EFCAB7: variants seen among roughly 807,000 people sequenced by gnomAD.
EFCAB7 encodes the protein EF-hand calcium binding domain 7.
In EFCAB7, 66 loss-of-function variants were observed where a neutral mutation model predicts 77.1. That is an observed-to-expected ratio of 0.86 (90% CI 0.70 to 1.05). The LOEUF is 1.05. EFCAB7 is among the 50% of genes least tolerant of loss of function. The probability of loss-of-function intolerance (pLI) is 0.00; values close to 1 mark genes in which losing one functional copy is unlikely to be tolerated. For missense variants in EFCAB7, 638 were observed against 730.5 expected (o/e 0.87, Z 1.46); for synonymous variants, 225 against 243.3 (o/e 0.92, Z 0.70).
intron 6 of EFCAB7, among the ~76,000 whole-genome samples, chr1:63,536,029 C>T (rs1438241767): frequency 6.6e-6 from 1 of 151,868 alleles, no homozygotes; most frequent in Non-Finnish European, 1.5e-5. Context: ...TAAGTCATAA[C>T]GATTATTTAA....
chr1:63,578,224 G>GT, the EFCAB7 span, among the ~76,000 whole-genome samples: 1 of 152,088 alleles, frequency 6.6e-6, no homozygotes, highest in African/African-American at 2.4e-5. Flanking sequence ...ATTTTCTAAT[G>GT]TTTTTCACTT....
In EFCAB7 at chr1:63,568,435, T is replaced by C. The variant is rs1448995286; in HGVS notation, c.1623T>C (p.Asp541=). 1 of 1,591,844 alleles carries C rather than the reference T, an allele frequency of 6.3e-7. No homozygotes were observed. The highest frequency in any genetic ancestry group is 1.4e-5 in the African/African-American group (1 of 73,540). The part of the protein sequence containing the change: ...AICKSVLSNG[D]AKVMDGYENI... ...GTAAATCTGTTCTTAGCAACGGTGA[T>C]GCCAAAGTAATGGATGGCTATGAAA... Residue 541 remains aspartate, a synonymous_variant, in exon 12 of 14, where the codon GAT becomes GAC. Transcript: ENST00000371088.
the EFCAB7 span, among the ~76,000 whole-genome samples, chr1:63,580,525 C>T: frequency 0.6 from 91,833 of 152,018 alleles, 29,490 homozygotes; most frequent in African/African-American, 0.82. Flanking sequence ...CCCAATGGTA[C>T]TGTTCTTTTC....
chr1:63,534,482 A>AT (rs555461572), intron 6 of EFCAB7: 1 of 242,420 alleles, frequency 4.1e-6, no homozygotes, highest in African/African-American at 2.2e-5. Context: ...TGGGAAGCAA[A>AT]TTTTTTGTTT....
chr1:63,532,695 AAGT>A lies in EFCAB7; in HGVS notation c.427_429del (p.Val143del). On this transcript the variant is annotated inframe_deletion, in exon 4 of 14. Coordinates refer to ENST00000371088, the MANE Select transcript of EFCAB7 (RefSeq NM_032437.4). ...AGAGGTGAGAAGATGACTCGAGAAGAAGTAAATGCCATAATAAATTTGGCTGAT... is the reference window on the plus strand; with the variant it reads ...AGAGGTGAGAAGATGACTCGAGAAGAAAATGCCATAATAAATTTGGCTGAT... 1.2e-6 allele frequency: 2 copies of A among 1,602,848 alleles called. No individual in the cohort carries two copies. The highest frequency in any genetic ancestry group is 1.7e-6 in the Non-Finnish European group (2 of 1,176,014).
At chr1:63,583,756 CAA>C in the EFCAB7 span, among the ~76,000 whole-genome samples, 1 of 151,890 alleles carries the variant, frequency 6.6e-6, no homozygotes, top group East Asian at 1.9e-4. Context: ...ACAACAATAA[CAA>C]AAGGACATCA....
At chr1:63,560,467 TA>T (rs1200789432) in intron 10 of EFCAB7, among the ~76,000 whole-genome samples, 3 of 151,958 alleles carry the variant, frequency 2.0e-5, no homozygotes, top group Non-Finnish European at 4.4e-5. Flanking sequence ...AATCTGCATT[TA>T]TTTTTTCCCC....
rs869302346 is a variant in EFCAB7 at position 63,562,449 on chromosome 1, TTATATA to T, written c.1497+633_1497+638del. ...TAAAAATTAGGCCTTCTTAATTTATTTATATATATATATATATATATATATATATAT... is the reference window on the plus strand; with the variant it reads ...TAAAAATTAGGCCTTCTTAATTTATTTATATATATATATATATATATATAT... On this transcript the variant is annotated intron_variant, in intron 11 of 13. Coordinates refer to ENST00000371088, the MANE Select transcript of EFCAB7 (RefSeq NM_032437.4). 7.3e-3 allele frequency among the ~76,000 whole-genome samples: 164 copies of T among 22,456 alleles called. 1 individual carries two copies. Among genetic ancestry groups the T allele is most frequent in the South Asian group, 0.019 (7 of 366 alleles). The allele number at this position is 22,456 out of a possible 152,430, so 14.7% of individuals were successfully genotyped here. A position where few individuals can be genotyped will look rare whatever the true frequency, so the allele number is the denominator to read the frequency against.
the EFCAB7 span, among the ~76,000 whole-genome samples, chr1:63,581,280 G>T: frequency 2.5e-3 from 377 of 151,340 alleles, 4 homozygotes; most frequent in Middle Eastern, 0.034. Flanking sequence ...ATTAAGAATG[G>T]ATGATGAGCC....
At chr1:63,563,716 CT>C (rs1219563345) in intron 11 of EFCAB7, among the ~76,000 whole-genome samples, 1 of 152,138 alleles carries the variant, frequency 6.6e-6, no homozygotes, top group Non-Finnish European at 1.5e-5. Context: ...AATCTTTTTT[CT>C]TACTAAATTT....
rs531047325 is a variant in EFCAB7, at chr1:63,556,879, A to C, written c.1215-235A>C. Among the ~76,000 whole-genome samples the C allele has an allele frequency of 3.4e-4, 52 of 151,330 alleles. 1 individual carries two copies. Among genetic ancestry groups the C allele is most frequent in the African/African-American group, 1.2e-3 (51 of 41,306 alleles). On this transcript the variant is annotated intron_variant, in intron 9 of 13. Coordinates refer to ENST00000371088, the MANE Select transcript of EFCAB7 (RefSeq NM_032437.4). ...CCCATCTCTACTAAAAATACAAAAA[A>C]AAAAAAAAATTAGCCAGGTGTGGTG... is the stretch of plus-strand genomic sequence containing the variant.
downstream of EFCAB7, among the ~76,000 whole-genome samples, chr1:63,577,368 A>C (rs1007582055): frequency 1.3e-5 from 2 of 152,240 alleles, no homozygotes; most frequent in African/African-American, 2.4e-5. Flanking sequence ...TAAGCAAGTT[A>C]AATTCAAGGC....
chr1:63,543,670 G>C (rs984680466), intron 6 of EFCAB7, among the ~76,000 whole-genome samples: 9 of 152,208 alleles, frequency 5.9e-5, no homozygotes, highest in African/African-American at 2.2e-4. Flanking sequence ...AATTATTTTT[G>C]CCTTTGCAGT....
chr1:63,525,589 G>A lies in EFCAB7; in HGVS notation c.17G>A (p.Arg6Gln), dbSNP rs1162846296. The change falls in exon 2 of 14, where the codon CGA (arginine) becomes CAA (glutamine). Residue 6 changes from arginine to glutamine, a missense_variant. By Grantham distance (43) the Arg-to-Gln change is conservative (BLOSUM62 1). Coordinates refer to ENST00000371088, the MANE Select transcript of EFCAB7 (RefSeq NM_032437.4). The stretch of plus-strand genomic sequence containing the variant: ...TCCAATAGAATGGCGATCAGTCCAC[G>A]AAGCGATGCAACTTTCTCCAGTCAG... MAISP[R>Q]SDATFSSQKS... The A allele has an allele frequency of 1.3e-6, 2 of 1,566,582 alleles. No homozygotes were observed. Among genetic ancestry groups the A allele is most frequent in the Admixed American group, 2.3e-5 (1 of 44,118 alleles).
At chr1:63,573,207 T>C (rs373863695), downstream of EFCAB7, among the ~76,000 whole-genome samples, 3 of 152,206 alleles carry the variant, frequency 2.0e-5, no homozygotes, top group Admixed American at 6.5e-5. Flanking sequence ...CGGGTGATAT[T>C]TCTCAGGGCT....
At chr1:63,576,454 C>T (rs1453153694), downstream of EFCAB7, among the ~76,000 whole-genome samples, 2 of 150,504 alleles carry the variant, frequency 1.3e-5, no homozygotes, top group African/African-American at 2.4e-5. Context: ...CATTCCAGCC[C>T]GGGCGACATG....
chr1:63,543,904 A>G (rs901167808), intron 6 of EFCAB7, among the ~76,000 whole-genome samples: 24 of 151,894 alleles, frequency 1.6e-4, no homozygotes, highest in African/African-American at 5.6e-4. Flanking sequence ...TCAATAAAGA[A>G]TCTTCTACTT....
At chr1:63,578,696 C>T in the EFCAB7 span, among the ~76,000 whole-genome samples, 1 of 152,194 alleles carries the variant, frequency 6.6e-6, no homozygotes, top group East Asian at 1.9e-4. Context: ...CCGCCTCGGC[C>T]TCCCAAAGTG....
chr1:63,537,590 A>C (rs1276534689), intron 6 of EFCAB7, among the ~76,000 whole-genome samples: 4 of 152,164 alleles, frequency 2.6e-5, no homozygotes, highest in Non-Finnish European at 5.9e-5. Flanking sequence ...TCACATTTTC[A>C]AAATGTTGAT....
Sources: allele counts gnomAD v4.1 joint callset (sites outside exome capture counted in the v4.1 genomes callset), GRCh38; gene constraint gnomAD v4.1.1; transcripts MANE v1.5; gene names NCBI Gene and HGNC (gene_info 2026-07-23, HGNC 2026-07-21).